The following ZNF98 variants were observed in gnomAD, a reference collection of about 807,000 sequenced individuals.
The protein encoded by ZNF98 is zinc finger protein 739.
In ZNF98, 8 loss-of-function variants were observed where a neutral mutation model predicts 12.8. That is an observed-to-expected ratio of 0.63 (90% confidence interval 0.37 to 1.13). The LOEUF is 1.13. Ranked by LOEUF, ZNF98 falls within the 50% of genes most tolerant of loss-of-function variation. The pLI is 0.01. For missense variants in ZNF98, 379 were observed against 666.1 expected (o/e 0.57, Z 4.74); for synonymous variants, 112 against 223.5 (o/e 0.50, Z 4.45).
chr19:22,393,827 T>G (rs1568289976), intron 3 of ZNF98, among the ~76,000 whole-genome samples: 4 of 151,918 alleles, frequency 2.6e-5, no homozygotes, highest in Non-Finnish European at 5.9e-5. Flanking sequence ...AAGCCAAAAT[T>G]GACAAATGGG....
intron 1 of ZNF98, among the ~76,000 whole-genome samples, chr19:22,407,119 C>T (rs559039716): frequency 3.3e-5 from 5 of 151,726 alleles, no homozygotes; most frequent in Admixed American, 6.6e-5. Flanking sequence ...TGCAGTGGCG[C>T]GATCTTGGCT....
intron 1 of ZNF98, among the ~76,000 whole-genome samples, 182 bp from the exon 2 acceptor site, chr19:22,403,694 AGAG>A (rs1250314869): frequency 6.6e-6 from 1 of 152,276 alleles, no homozygotes; most frequent in Non-Finnish European, 1.5e-5. Flanking sequence ...CTCTGAGAAA[AGAG>A]AGTGGCATAA....
At position 22,416,383 on chromosome 19, in the gene ZNF98, T is replaced by C. The variant is rs569009232; in HGVS notation, c.30+5812A>G. The stretch of plus-strand genomic sequence containing the variant: ...TACTGGGGAGGCTGAGGCAGGAGAA[T>C]GGCGTGAACCCGGGAGGCGGAGCTT... On this transcript the variant is annotated intron_variant, in intron 1 of 3. Coordinates refer to ENST00000357774, the MANE Select transcript of ZNF98 (RefSeq NM_001098626.2). Among the ~76,000 whole-genome samples the C allele has an allele frequency of 2.4e-4, 36 of 151,062 alleles. 2 individuals are homozygous for C. The South Asian group carries it at 7.6e-3, about 32-fold the overall frequency.
chr19:22,417,126 G>T (rs1378445373), intron 1 of ZNF98, among the ~76,000 whole-genome samples: 3 of 151,078 alleles, frequency 2.0e-5, no homozygotes, highest in Admixed American at 6.6e-5. Context: ...CTACTTGGGA[G>T]GCTAAGGCAG....
chr19:22,415,956 G>GACACACACACACACACAC (rs71180550), intron 1 of ZNF98, among the ~76,000 whole-genome samples: 29 of 111,342 alleles, frequency 2.6e-4, no homozygotes, highest in African/African-American at 3.0e-4. Flanking sequence ...AAAAACTACA[G>GACACACACACACACACAC]ACACACACAC....
chr19:22,413,502 T>C (rs1225105764), intron 1 of ZNF98, among the ~76,000 whole-genome samples: 1 of 152,036 alleles, frequency 6.6e-6, no homozygotes, highest in Non-Finnish European at 1.5e-5. Context: ...ACAAAAAGAA[T>C]AAAATATCTA....
At chr19:22,402,277 C>G (rs1157687568) in intron 3 of ZNF98, 6 of 265,372 alleles carry the variant, frequency 2.3e-5, no homozygotes, top group Non-Finnish European at 4.1e-5. Flanking sequence ...AAAAAAAGGA[C>G]AAAGCAGAAG....
At chr19:22,401,074 AAC>A (rs1354586058) in intron 3 of ZNF98, among the ~76,000 whole-genome samples, 1 of 151,536 alleles carries the variant, frequency 6.6e-6, no homozygotes, top group African/African-American at 2.4e-5. Context: ...CTTCTATTTT[AAC>A]ACAGCACTGG....
At chr19:22,412,284 C>T (rs148737215) in intron 1 of ZNF98, among the ~76,000 whole-genome samples, 4,025 of 152,154 alleles carry the variant, frequency 0.026, 181 homozygotes, top group African/African-American at 0.092. Flanking sequence ...TTGAATTATA[C>T]AAGTACATGG....
intron 1 of ZNF98, among the ~76,000 whole-genome samples, chr19:22,411,227 G>A (rs1969577185): frequency 7.8e-6 from 1 of 127,792 alleles, no homozygotes; most frequent in Admixed American, 8.2e-5. Context: ...TGTAGAGCCA[G>A]GATCTCACCA....
At chr19:22,413,835 C>T (rs1969607022) in intron 1 of ZNF98, among the ~76,000 whole-genome samples, 1 of 139,330 alleles carries the variant, frequency 7.2e-6, no homozygotes, top group African/African-American at 2.7e-5. Context: ...TGCCATTGCA[C>T]TCCAACCTGG....
Position 22,408,098 on chromosome 19 carries a change from C to T in ZNF98, c.31-4586G>A, listed in dbSNP as rs112866031. Among the ~76,000 whole-genome samples the T allele has an allele frequency of 2.9e-3, 438 of 152,190 alleles. 3 individuals are homozygous for T. Among genetic ancestry groups the T allele is most frequent in the African/African-American group, 0.01 (426 of 41,546 alleles). On this transcript the variant is annotated intron_variant, in intron 1 of 3. Coordinates refer to ENST00000357774, the MANE Select transcript of ZNF98 (RefSeq NM_001098626.2). ...ACAAAACAAAAAAACTGATCCACAA[C>T]AATCAAGTCGGCTTCATCCCTGGGA...
intron 3 of ZNF98, among the ~76,000 whole-genome samples, chr19:22,397,118 C>CAAAA (rs371698742): frequency 7.8e-6 from 1 of 129,020 alleles, no homozygotes; most frequent in South Asian, 3.1e-4. Flanking sequence ...GACTCTGTCT[C>CAAAA]AAAAAAAAAC....
At chr19:22,420,802 C>T (rs1969695349) in intron 1 of ZNF98, among the ~76,000 whole-genome samples, 1 of 152,138 alleles carries the variant, frequency 6.6e-6, no homozygotes, top group African/African-American at 2.4e-5. Flanking sequence ...AAAATAAAAA[C>T]ATCTTGACAC....
At chr19:22,398,523 A>C (rs1322594038) in intron 3 of ZNF98, among the ~76,000 whole-genome samples, 2 of 151,738 alleles carry the variant, frequency 1.3e-5, no homozygotes, top group Non-Finnish European at 2.9e-5. Flanking sequence ...ATGTCTGGCT[A>C]CGTTTTAAAA....
intron 1 of ZNF98, among the ~76,000 whole-genome samples, chr19:22,416,811 G>GCACA (rs896126940): frequency 2.0e-5 from 3 of 151,016 alleles, no homozygotes; most frequent in African/African-American, 7.4e-5. Flanking sequence ...GTTAAAACAT[G>GCACA]CACACACACA....
chr19:22,405,607 C>T (rs1282354128), intron 1 of ZNF98, among the ~76,000 whole-genome samples: 2 of 152,168 alleles, frequency 1.3e-5, no homozygotes, highest in Non-Finnish European at 2.9e-5. Flanking sequence ...AGATTTCACT[C>T]GTGAACCCAT....
At chr19:22,403,874 C>T (rs1407978243) in intron 1 of ZNF98, among the ~76,000 whole-genome samples, 1 of 152,212 alleles carries the variant, frequency 6.6e-6, no homozygotes, top group Non-Finnish European at 1.5e-5. Flanking sequence ...AAATACTGCT[C>T]ACATGTTAAT....
At chr19:22,410,617 G>C (rs999284899) in intron 1 of ZNF98, among the ~76,000 whole-genome samples, 1 of 152,182 alleles carries the variant, frequency 6.6e-6, no homozygotes, top group African/African-American at 2.4e-5. Flanking sequence ...GGGGCAAGGG[G>C]AGGGCACCTA....
Sources: allele counts gnomAD v4.1 joint callset (sites outside exome capture counted in the v4.1 genomes callset), GRCh38; gene constraint gnomAD v4.1.1; transcripts MANE v1.5; gene names NCBI Gene and HGNC (gene_info 2026-07-23, HGNC 2026-07-21).